GSDME: variants seen among roughly 807,000 people sequenced by gnomAD.
GSDME encodes gasdermin E, also known as gasdermin-E.
Under a neutral mutation model 47.5 loss-of-function variants are expected in GSDME, and 44 were observed. That is an observed-to-expected ratio of 0.93 (90% confidence interval 0.73 to 1.19). The LOEUF (loss-of-function observed/expected upper bound fraction) is 1.19. Ranked by LOEUF, GSDME falls within the 50% of genes most tolerant of loss-of-function variation. GSDME has a pLI of 0.00. For missense variants in GSDME, 663 were observed against 604.2 expected (o/e 1.10, Z -1.02); for synonymous variants, 258 against 252.8 (o/e 1.02, Z -0.20).
rs1450789210 is a variant in GSDME, at chr7:24,732,908, G to A, written c.404+11654C>T. 6.6e-6 allele frequency among the ~76,000 whole-genome samples: 1 copy of A among 152,044 alleles called. No homozygotes were observed. The highest frequency in any genetic ancestry group is 2.4e-5 in the African/African-American group (1 of 41,390). On this transcript the variant is annotated intron_variant, in intron 3 of 9. Transcript: ENST00000645220. The surrounding 1 kb of genome is among the most constrained non-coding windows in gnomAD (Gnocchi z 4.8). ...GGGCTCAGAGCCAGTGGATTTGGGG[G>A]GTGGGTACACAACCTACTGAGACAC... is the stretch of plus-strand genomic sequence containing the variant.
chr7:24,784,626 C>CTTT, the GSDME span, among the ~76,000 whole-genome samples: 1,095 of 124,260 alleles, frequency 8.8e-3, 25 homozygotes, highest in African/African-American at 0.031. Context: ...TTTCTTCTTC[C>CTTT]TTTTTTTTTT....
In GSDME at chr7:24,744,468, G is replaced by T. The variant is rs1790583779; in HGVS notation, c.404+94C>A. 7.6e-7 allele frequency: 1 copy of T among 1,316,586 alleles called. No individual in the cohort carries two copies. 81.6% of individuals were successfully genotyped at this position (1,316,586 alleles called of 1,614,324 possible). On this transcript the variant is annotated intron_variant, in intron 3 of 9. Coordinates refer to ENST00000645220, the MANE Select transcript of GSDME (RefSeq NM_001127453.2). This position sits in a 1 kb window ranked among gnomAD's most constrained non-coding sequence, Gnocchi z 4.5. ...CAATACATGTTTATTGATCGGCAGA[G>T]ATCAAATCTGTCGCCCTTTTAACAA... is the stretch of plus-strand genomic sequence containing the variant.
the GSDME span, among the ~76,000 whole-genome samples, chr7:24,770,532 C>T: frequency 6.6e-6 from 1 of 152,130 alleles, no homozygotes; most frequent in African/African-American, 2.4e-5. The surrounding 1 kb of genome is among the most constrained non-coding windows in gnomAD (Gnocchi z 4.6). Context: ...ACTTGTAAGA[C>T]TCAGCTCTTC....
At position 24,717,583 on chromosome 7, in the gene GSDME, C is replaced by A. The variant is rs2237306; in HGVS notation, c.577-209G>T. 0.24 allele frequency among the ~76,000 whole-genome samples: 36,491 copies of A among 152,088 alleles called. 5,825 individuals are homozygous for A. The highest frequency in any genetic ancestry group is 0.44 in the African/African-American group (18,439 of 41,450). On this transcript the variant is annotated intron_variant, in intron 4 of 9. Transcript: ENST00000645220. ...CACAAATTCCCAAGTAAACGGCCAA[C>A]CTGGTGGCATCAAAGCGAGATTATA...
At chr7:24,730,817 CAAAAAAAA>C (rs1790121091) in intron 3 of GSDME, among the ~76,000 whole-genome samples, 1 of 150,968 alleles carries the variant, frequency 6.6e-6, no homozygotes, top group Admixed American at 6.6e-5. Flanking sequence ...GACTCCGTCT[CAAAAAAAA>C]TAAAAAAATA....
chr7:24,744,636 C>T lies in GSDME; in HGVS notation c.330G>A (p.Glu110=), dbSNP rs747759792. ...KLNLGGSSRV[E]SQSSFGTLRK... ...TCAGGGTTCCAAATGAAGACTGGCT[C>T]TCTACGCGGCTGCTGCCCCCCAGGT... The change falls in exon 3 of 10, where the codon GAG becomes GAA. Residue 110 remains glutamate, a synonymous_variant. Transcript: ENST00000645220. This position sits in a 1 kb window ranked among gnomAD's most constrained non-coding sequence, Gnocchi z 4.5. The T allele has an allele frequency of 8.1e-6, 13 of 1,614,074 alleles. No homozygotes were observed. The East Asian group carries it at 2.5e-4, about 30-fold the overall frequency.
rs1211469997 is a variant in GSDME, at chr7:24,739,637, CA to C, written c.404+4924del. Among the ~76,000 whole-genome samples, 2 of 152,242 alleles carry C rather than the reference CA, an allele frequency of 1.3e-5. No individual in the cohort carries two copies. The highest frequency in any genetic ancestry group is 3.9e-4 in the East Asian group (2 of 5,186). Reference sequence around the variant, plus strand: ...GCATTCCAACTGCTGGATATGTACCCAAAAGAAAGGAAATCAGTATACTGAG... The same window carrying C: ...GCATTCCAACTGCTGGATATGTACCCAAAGAAAGGAAATCAGTATACTGAG... On this transcript the variant is annotated intron_variant, in intron 3 of 9. Transcript: ENST00000645220. The surrounding 1 kb of genome is among the most constrained non-coding windows in gnomAD (Gnocchi z 5.1).
Position 24,698,759 on chromosome 7 carries a change from T to C in GSDME, c.*267A>G. On this transcript the variant is annotated 3_prime_UTR_variant, in exon 10 of 10. Transcript: ENST00000645220. ...GCAGAAAAAACGTCTGAATGTATGC[T>C]AAGAATTCTCCGCCCTCCCAGCTCT... 2 of 499,900 alleles carry C rather than the reference T, an allele frequency of 4.0e-6. No individual in the cohort carries two copies. The highest frequency in any genetic ancestry group is 7.3e-6 in the Non-Finnish European group (2 of 274,564). The allele number at this position is 499,900 out of a possible 1,614,324, so 31.0% of individuals were successfully genotyped here. A position where few individuals can be genotyped will look rare whatever the true frequency, so the allele number is the denominator to read the frequency against.
intron 2 of GSDME, among the ~76,000 whole-genome samples, chr7:24,747,500 T>C (rs1790704271): frequency 6.6e-6 from 1 of 152,192 alleles, no homozygotes. Context: ...GATATTTTCA[T>C]ATATCACCAC....
At chr7:24,781,467 C>T in the GSDME span, among the ~76,000 whole-genome samples, 1 of 152,150 alleles carries the variant, frequency 6.6e-6, no homozygotes, top group Non-Finnish European at 1.5e-5. Context: ...CCACCTCATT[C>T]TCCACTAGGC....
chr7:24,795,170 C>G, the GSDME span, among the ~76,000 whole-genome samples: 623 of 152,266 alleles, frequency 4.1e-3, 5 homozygotes, highest in African/African-American at 0.014. Context: ...GGGGGCCTAC[C>G]GTGCGCTGCT....
chr7:24,757,002 G>C lies in GSDME; in HGVS notation c.-20+394C>G, dbSNP rs1354218725. Among the ~76,000 whole-genome samples, 1 of 152,044 alleles carries C rather than the reference G, an allele frequency of 6.6e-6. No individual in the cohort carries two copies. Among genetic ancestry groups the C allele is most frequent in the African/African-American group, 2.4e-5 (1 of 41,410 alleles). ...CTCCGCAGCACCCAGAGAAGAGACC[G>C]GAACACAAAGGATGAACGAATGGGG... On this transcript the variant is annotated intron_variant, in intron 1 of 9. Coordinates refer to ENST00000645220, the MANE Select transcript of GSDME (RefSeq NM_001127453.2). This position sits in a 1 kb window ranked among gnomAD's most constrained non-coding sequence, Gnocchi z 5.9.
At position 24,748,320 on chromosome 7, in the gene GSDME, C is replaced by T. The variant is rs556588162; in HGVS notation, c.211+1244G>A. Among the ~76,000 whole-genome samples the T allele has an allele frequency of 1.1e-4, 17 of 151,730 alleles. No individual in the cohort carries two copies. In the South Asian group the frequency reaches 1.3e-3, roughly 11 times the overall value. On this transcript the variant is annotated intron_variant, in intron 2 of 9. Transcript: ENST00000645220. The stretch of plus-strand genomic sequence containing the variant: ...GATTACAGGTGCCTACCACCTTGCC[C>T]GGCTAATTTTTATATTTTTAGTAGA...
At chr7:24,751,189 A>G (rs977342330) in intron 1 of GSDME, among the ~76,000 whole-genome samples, 2 of 152,248 alleles carry the variant, frequency 1.3e-5, no homozygotes, top group Admixed American at 1.3e-4. Flanking sequence ...GTACTCCAAG[A>G]GAAACATAGG....
chr7:24,700,746 G>T (rs1459220559), intron 9 of GSDME, among the ~76,000 whole-genome samples: 2 of 152,216 alleles, frequency 1.3e-5, no homozygotes, highest in Admixed American at 1.3e-4. Context: ...TTGTGCTTTA[G>T]AGAGTAGATT....
At chr7:24,768,956 C>T in the GSDME span, among the ~76,000 whole-genome samples, 1 of 152,206 alleles carries the variant, frequency 6.6e-6, no homozygotes, top group Non-Finnish European at 1.5e-5. This position sits in a 1 kb window ranked among gnomAD's most constrained non-coding sequence, Gnocchi z 5.6. Context: ...GAGATACAGC[C>T]AGGAATAACA....
chr7:24,793,983 T>C, the GSDME span, among the ~76,000 whole-genome samples: 1 of 152,254 alleles, frequency 6.6e-6, no homozygotes, highest in Non-Finnish European at 1.5e-5. Flanking sequence ...GTGGTCTCAG[T>C]GCTTTCGGGC....
At chr7:24,764,574 T>TA in the GSDME span, among the ~76,000 whole-genome samples, 3 of 151,986 alleles carry the variant, frequency 2.0e-5, no homozygotes, top group African/African-American at 7.3e-5. This position sits in a 1 kb window ranked among gnomAD's most constrained non-coding sequence, Gnocchi z 4.4. Flanking sequence ...TTTCTTATAT[T>TA]AAAAAACAAT....
At position 24,735,760 on chromosome 7, in the gene GSDME, AAAATAAATAAATAAAT is replaced by A. The variant is rs147090379; in HGVS notation, c.404+8786_404+8801del. 0.016 allele frequency among the ~76,000 whole-genome samples: 2,299 copies of A among 143,016 alleles called. 53 individuals carry two copies. The highest frequency in any genetic ancestry group is 0.045 in the African/African-American group (1,763 of 38,898). The allele number at this position is 143,016 out of a possible 152,430, so 93.8% of individuals were successfully genotyped here. A position where few individuals can be genotyped will look rare whatever the true frequency, so the allele number is the denominator to read the frequency against. On this transcript the variant is annotated intron_variant, in intron 3 of 9. Coordinates refer to ENST00000645220, the MANE Select transcript of GSDME (RefSeq NM_001127453.2). The surrounding 1 kb of genome is among the most constrained non-coding windows in gnomAD (Gnocchi z 4.4). ...GTGACAACAGCAAAACTCTATCTCA[AAAATAAATAAATAAAT>A]AAATAAATAAATAAATAAATAAATA...
Sources: gnomAD v4.1 joint callset for allele counts (sites outside exome capture counted in the v4.1 genomes callset) on GRCh38, gnomAD v4.1.1 for gene constraint, Gnocchi (gnomAD v3.1) non-coding constraint, MANE v1.5 for transcripts, NCBI Gene and HGNC (gene_info 2026-07-23, HGNC 2026-07-21) for gene names.